The following LRP1B variants were observed in gnomAD, a reference collection of about 807,000 sequenced individuals.
LRP1B encodes the protein LDL receptor related protein 1B, also known as low-density lipoprotein receptor-related protein 1B.
Under a neutral mutation model 556.6 loss-of-function variants are expected in LRP1B, and 217 were observed. That is an observed-to-expected ratio of 0.39 (90% confidence interval 0.35 to 0.44). The LOEUF (loss-of-function observed/expected upper bound fraction) is 0.44, where lower values mean the gene tolerates loss of function less well. Ranked by LOEUF, LRP1B falls within the 20% of genes least tolerant of loss-of-function variation. LRP1B has a pLI of 1.00. For synonymous variants in LRP1B, 2,047 were observed against 1,865.8 expected (o/e 1.10, Z -2.50); for missense variants, 5,053 against 5,620.8 (o/e 0.90, Z 3.23).
intron 11 of LRP1B, among the ~76,000 whole-genome samples, chr2:141,022,604 G>T (rs955887704): frequency 9.2e-5 from 14 of 151,860 alleles, no homozygotes. Flanking sequence ...AAGGGGTCTG[G>T]TTGGGTCCTG....
intron 3 of LRP1B, among the ~76,000 whole-genome samples, chr2:141,454,631 G>T (rs1210573423): frequency 1.3e-5 from 1 of 75,490 alleles, no homozygotes; most frequent in African/African-American, 6.5e-5. Context: ...TAATATCTTT[G>T]CTCACTATTC....
At chr2:140,450,685 A>T (rs1397687428) in intron 62 of LRP1B, 24 bp from the exon 63 acceptor site, 2 of 1,549,732 alleles carry the variant, frequency 1.3e-6, no homozygotes, top group Non-Finnish European at 1.8e-6. Flanking sequence ...AAAAGAAAAA[A>T]AAATGTTGAA....
intron 86 of LRP1B, among the ~76,000 whole-genome samples, chr2:140,266,866 A>G (rs578024524): frequency 1.8e-4 from 28 of 152,148 alleles, no homozygotes; most frequent in African/African-American, 6.7e-4. Context: ...TTAATTTTCT[A>G]AAAGCCATTC....
chr2:141,519,362 T>G (rs1232022826), intron 2 of LRP1B, among the ~76,000 whole-genome samples: 12 of 13,070 alleles, frequency 9.2e-4, no homozygotes, highest in African/African-American at 2.7e-3. Context: ...AAGTCAATGA[T>G]ATATATATAT....
At chr2:141,887,941 G>A (rs1228458912) in intron 1 of LRP1B, among the ~76,000 whole-genome samples, 1 of 152,146 alleles carries the variant, frequency 6.6e-6, no homozygotes, top group East Asian at 1.9e-4. Context: ...AAGAACTCTG[G>A]TAAAATACCT....
At chr2:141,627,964 T>C (rs957127609) in intron 2 of LRP1B, among the ~76,000 whole-genome samples, 3 of 152,200 alleles carry the variant, frequency 2.0e-5, no homozygotes, top group Non-Finnish European at 4.4e-5. Flanking sequence ...AACCTAAAAC[T>C]GCTCTAAAAA....
chr2:141,677,959 A>G (rs1690951585), intron 2 of LRP1B, among the ~76,000 whole-genome samples: 1 of 152,260 alleles, frequency 6.6e-6, no homozygotes, highest in East Asian at 1.9e-4. Flanking sequence ...ATAGGACTTG[A>G]TATTTATAGG....
chr2:141,046,662 C>A (rs957177910), intron 11 of LRP1B, among the ~76,000 whole-genome samples: 9 of 152,062 alleles, frequency 5.9e-5, no homozygotes, highest in African/African-American at 4.8e-5. Context: ...ATGCAAAGAA[C>A]CACCAATGTC....
intron 41 of LRP1B, among the ~76,000 whole-genome samples, chr2:140,662,486 T>C (rs1192860650): frequency 6.6e-6 from 1 of 151,978 alleles, no homozygotes; most frequent in African/African-American, 2.4e-5. Context: ...AACACCAAAC[T>C]GAATTAGATA....
At chr2:141,014,506 C>T (rs189758886) in intron 13 of LRP1B, among the ~76,000 whole-genome samples, 1 of 151,898 alleles carries the variant, frequency 6.6e-6, no homozygotes, top group Non-Finnish European at 1.5e-5. Flanking sequence ...TCACCTTTTA[C>T]CATAAATAAA....
chr2:140,963,019 A>T (rs1696083847), intron 18 of LRP1B, among the ~76,000 whole-genome samples: 1 of 152,190 alleles, frequency 6.6e-6, no homozygotes, highest in Non-Finnish European at 1.5e-5. Flanking sequence ...ATATGCTGTA[A>T]TGAAATATTT....
At chr2:142,029,580 C>A (rs1197839390) in intron 1 of LRP1B, among the ~76,000 whole-genome samples, 1 of 151,822 alleles carries the variant, frequency 6.6e-6, no homozygotes, top group Non-Finnish European at 1.5e-5. Context: ...AAGACACAAA[C>A]AATTTACTAA....
At chr2:141,116,563 C>T (rs1332075697) in intron 7 of LRP1B, among the ~76,000 whole-genome samples, 5 of 152,096 alleles carry the variant, frequency 3.3e-5, no homozygotes, top group African/African-American at 9.7e-5. Context: ...TTAGTAGGCT[C>T]GCCATCCCCA....
chr2:141,325,698 A>G (rs1272625176), intron 3 of LRP1B, among the ~76,000 whole-genome samples: 1 of 152,172 alleles, frequency 6.6e-6, no homozygotes, highest in Non-Finnish European at 1.5e-5. Flanking sequence ...AAAAAATGAC[A>G]TGAACTAGAA....
At chr2:141,339,527 A>C (rs1687978811) in intron 3 of LRP1B, among the ~76,000 whole-genome samples, 1 of 152,152 alleles carries the variant, frequency 6.6e-6, no homozygotes, top group South Asian at 2.1e-4. Flanking sequence ...CATCTGAAAA[A>C]GAGAGCTGGT....
At chr2:140,924,008 AATAG>A (rs1441754735) in intron 20 of LRP1B, among the ~76,000 whole-genome samples, 2 of 152,000 alleles carry the variant, frequency 1.3e-5, no homozygotes, top group Non-Finnish European at 2.9e-5. Context: ...TATTACAGTA[AATAG>A]ATATTTTAGT....
intron 62 of LRP1B, among the ~76,000 whole-genome samples, chr2:140,454,969 G>T (rs1206572095): frequency 6.6e-6 from 1 of 152,098 alleles, no homozygotes; most frequent in Non-Finnish European, 1.5e-5. Context: ...TTACTTTTGG[G>T]CCTCAGCAGA....
intron 2 of LRP1B, among the ~76,000 whole-genome samples, chr2:141,511,348 C>G (rs1406434726): frequency 2.0e-5 from 3 of 152,164 alleles, no homozygotes; most frequent in African/African-American, 7.2e-5. Flanking sequence ...ATCTTCCTCA[C>G]AGACAACATC....
At chr2:140,575,701 A>G (rs969706097) in intron 43 of LRP1B, among the ~76,000 whole-genome samples, 2 of 151,984 alleles carry the variant, frequency 1.3e-5, no homozygotes, top group African/African-American at 4.8e-5. Context: ...AAGCGGGAGG[A>G]TCATGAGGTC....
Sources: gnomAD v4.1 joint callset for allele counts (sites outside exome capture counted in the v4.1 genomes callset) on GRCh38, gnomAD v4.1.1 for gene constraint, MANE v1.5 for transcripts, NCBI Gene and HGNC (gene_info 2026-07-23, HGNC 2026-07-21) for gene names.